The following HECW2 variants were observed in gnomAD, a reference collection of about 807,000 sequenced individuals.
The protein encoded by HECW2 is HECT, C2 and WW domain containing E3 ubiquitin protein ligase 2.
Under a neutral mutation model 175.2 loss-of-function variants are expected in HECW2, and 61 were observed. The ratio of observed to expected loss-of-function variants is 0.35; its 90% CI spans 0.28 to 0.43. The LOEUF (loss-of-function observed/expected upper bound fraction) is 0.43. Ranked by LOEUF, HECW2 falls within the 20% of genes least tolerant of loss-of-function variation. The probability of loss-of-function intolerance (pLI) is 1.00; values close to 1 mark genes in which losing one functional copy is unlikely to be tolerated. For missense variants in HECW2, 1,524 were observed against 2,000.5 expected, an observed-to-expected ratio of 0.76 and a Z score of 4.54; for synonymous variants, 671 against 731.0, an observed-to-expected ratio of 0.92 and a Z score of 1.32.
intron 1 of HECW2, among the ~76,000 whole-genome samples, chr2:196,453,589 T>C (rs190649860): frequency 1.3e-5 from 2 of 152,368 alleles, no homozygotes; most frequent in Admixed American, 6.5e-5. Flanking sequence ...ATGACATCTG[T>C]TGATTTTAAA....
At chr2:196,322,413 T>G in intron 7 of HECW2, 65 bp downstream of exon 7, 3 of 1,417,766 alleles carry the variant, frequency 2.1e-6, no homozygotes, top group Non-Finnish European at 2.9e-6. Flanking sequence ...GACTACCAAG[T>G]TTCATGTCAT....
chr2:196,551,948 C>T (rs928460527), intron 1 of HECW2, among the ~76,000 whole-genome samples: 2 of 152,138 alleles, frequency 1.3e-5, no homozygotes, highest in Admixed American at 1.3e-4. Flanking sequence ...GCATTTCTTA[C>T]TGTCAACTAT....
chr2:196,223,802 T>C (rs1159547851), intron 23 of HECW2, among the ~76,000 whole-genome samples: 3 of 152,152 alleles, frequency 2.0e-5, no homozygotes, highest in African/African-American at 7.2e-5. Context: ...TACAGTAATA[T>C]GGCCAAAATA....
At chr2:196,513,943 G>T (rs1370775569) in intron 1 of HECW2, among the ~76,000 whole-genome samples, 1 of 152,356 alleles carries the variant, frequency 6.6e-6, no homozygotes. Flanking sequence ...CCATGACGCT[G>T]GTGGCAGTGG....
chr2:196,555,378 A>G (rs760600279), intron 1 of HECW2, among the ~76,000 whole-genome samples: 11 of 152,042 alleles, frequency 7.2e-5, no homozygotes, highest in Admixed American at 6.5e-5. Flanking sequence ...TAAGGGTGCG[A>G]ATCCTTTTCA....
At chr2:196,585,953 C>A (rs1690960409) in intron 1 of HECW2, among the ~76,000 whole-genome samples, 1 of 152,084 alleles carries the variant, frequency 6.6e-6, no homozygotes, top group Admixed American at 6.6e-5. Context: ...GCCTGTACTC[C>A]CTGCCACCCA....
chr2:196,413,632 A>C (rs1695175800), intron 2 of HECW2, among the ~76,000 whole-genome samples: 1 of 152,232 alleles, frequency 6.6e-6, no homozygotes, highest in Non-Finnish European at 1.5e-5. Context: ...GGTGTAAGCC[A>C]CTATGCCCAG....
In HECW2 at chr2:196,194,907, A is replaced by C. The variant is rs1440443425; in HGVS notation, c.*6370T>G. 6.6e-6 allele frequency: 1 copy of C among 152,206 alleles called. No individual in the cohort carries two copies. The highest frequency in any genetic ancestry group is 1.5e-5 in the Non-Finnish European group (1 of 68,024). 9.4% of individuals were successfully genotyped at this position (152,206 alleles called of 1,614,324 possible). ...CACCTGTGTTCTACTGAAATCTTAG[A>C]AATAATTTTTTTACAGAGCCTTAAT... On this transcript the variant is annotated 3_prime_UTR_variant, in exon 29 of 29. Transcript: ENST00000644978.
chr2:196,256,265 G>T (rs865935845), intron 18 of HECW2, among the ~76,000 whole-genome samples: 1 of 152,014 alleles, frequency 6.6e-6, no homozygotes, highest in South Asian at 2.1e-4. Context: ...AATAATTATA[G>T]AACTATTATA....
chr2:196,298,108 T>C (rs956052502), intron 13 of HECW2, among the ~76,000 whole-genome samples: 3 of 152,236 alleles, frequency 2.0e-5, no homozygotes, highest in Non-Finnish European at 4.4e-5. Flanking sequence ...TTAGAGCTCA[T>C]TAAAAGCCAC....
intron 28 of HECW2, among the ~76,000 whole-genome samples, chr2:196,214,757 T>C (rs187951181): frequency 2.6e-5 from 4 of 152,350 alleles, no homozygotes; most frequent in Admixed American, 2.0e-4. Flanking sequence ...CTTTTTCTCA[T>C]CTGTTGATGC....
rs905016697 is a variant in HECW2 at position 196,336,008 on chromosome 2, G to C, written c.401-1490C>G. 2.0e-5 allele frequency among the ~76,000 whole-genome samples: 3 copies of C among 152,210 alleles called. No individual in the cohort carries two copies. In the South Asian group the frequency reaches 6.2e-4, roughly 32 times the overall value. On this transcript the variant is annotated intron_variant, in intron 3 of 28. Coordinates refer to ENST00000644978, the MANE Select transcript of HECW2 (RefSeq NM_001348768.2). The stretch of plus-strand genomic sequence containing the variant: ...AGCATAGAGAGCGTAGAGAAGATGA[G>C]AGAGGACATGGTGGAGTCAGAAAGG...
intron 1 of HECW2, among the ~76,000 whole-genome samples, chr2:196,459,943 CAT>C (rs1696673876): frequency 6.6e-6 from 1 of 152,178 alleles, no homozygotes; most frequent in African/African-American, 2.4e-5. Context: ...CCTAAATACA[CAT>C]GACTCCTCCT....
At chr2:196,207,390 A>C (rs1165587696) in intron 28 of HECW2, among the ~76,000 whole-genome samples, 1 of 151,112 alleles carries the variant, frequency 6.6e-6, no homozygotes, top group African/African-American at 2.4e-5. Context: ...CTAATGGTAA[A>C]ACTTGTTAGA....
chr2:196,358,302 G>A (rs929074740), intron 2 of HECW2, among the ~76,000 whole-genome samples: 15 of 152,000 alleles, frequency 9.9e-5, no homozygotes, highest in African/African-American at 3.1e-4. Flanking sequence ...GACCGGGCAC[G>A]GTGGCTCATA....
intron 1 of HECW2, among the ~76,000 whole-genome samples, chr2:196,566,127 A>T (rs1433165283): frequency 6.6e-6 from 1 of 152,192 alleles, no homozygotes; most frequent in Non-Finnish European, 1.5e-5. Flanking sequence ...TTAGAAGGAA[A>T]AAAAAAACTA....
intron 2 of HECW2, among the ~76,000 whole-genome samples, chr2:196,395,281 T>A (rs79848695): frequency 5.9e-5 from 9 of 152,026 alleles, no homozygotes; most frequent in Non-Finnish European, 1.3e-4. Flanking sequence ...CGGTAAAAGC[T>A]TTATGACATT....
intron 2 of HECW2, among the ~76,000 whole-genome samples, chr2:196,357,730 G>T (rs1052798347): frequency 2.6e-5 from 4 of 152,140 alleles, no homozygotes; most frequent in African/African-American, 7.2e-5. Context: ...CTGTTCTCAT[G>T]ATAGCAAGTG....
At chr2:196,349,068 C>T (rs1041098181) in intron 2 of HECW2, among the ~76,000 whole-genome samples, 3 of 152,186 alleles carry the variant, frequency 2.0e-5, no homozygotes, top group East Asian at 1.9e-4. Flanking sequence ...GTGGTGCCTG[C>T]GGCACCCTCT....
Sources: allele counts gnomAD v4.1 joint callset (sites outside exome capture counted in the v4.1 genomes callset), GRCh38; gene constraint gnomAD v4.1.1; transcripts MANE v1.5; gene names NCBI Gene and HGNC (gene_info 2026-07-23, HGNC 2026-07-21).